Variants in PACRG observed in about 807,000 individuals in gnomAD.
The protein encoded by PACRG is parkin coregulated, also known as parkin coregulated gene protein.
In PACRG, 29 loss-of-function variants were observed where a neutral mutation model predicts 29.7. The ratio of observed to expected loss-of-function variants is 0.98; its 90% CI spans 0.73 to 1.33. PACRG has a LOEUF of 1.33. Ranked by LOEUF, PACRG falls within the 40% of genes most tolerant of loss-of-function variation. The pLI, the probability that PACRG is intolerant of heterozygous loss-of-function variation, is 0.00. For missense variants in PACRG, 279 were observed against 316.2 expected (o/e 0.88, Z 0.89); for synonymous variants, 116 against 118.7 (o/e 0.98, Z 0.15).
chr6:162,757,219 A>G (rs938083046), intron 1 of PACRG, among the ~76,000 whole-genome samples: 1 of 152,096 alleles, frequency 6.6e-6, no homozygotes, highest in African/African-American at 2.4e-5. Flanking sequence ...GTTTGCTAAT[A>G]TTTTGTTTGT....
Position 163,054,500 on chromosome 6 carries a change from C to T in PACRG, c.292-7650C>T, listed in dbSNP as rs184651622. Among the ~76,000 whole-genome samples, 11 of 152,298 alleles carry T rather than the reference C, an allele frequency of 7.2e-5. No homozygotes were observed. The East Asian group carries it at 1.4e-3, about 19-fold the overall frequency. ...TGGTATTTTGTTAAGGCAGCCTGGG[C>T]TAAGACAGTGCGTTCGAAGAGTCCC... On this transcript the variant is annotated intron_variant, in intron 2 of 4. Transcript: ENST00000366888.
chr6:162,970,431 TC>T (rs779263696), intron 2 of PACRG, among the ~76,000 whole-genome samples: 205 of 152,154 alleles, frequency 1.3e-3, no homozygotes, highest in Non-Finnish European at 2.4e-3. Context: ...GACCACCTGG[TC>T]CCCCTCTTCT....
chr6:163,040,908 G>A (rs770259896), intron 2 of PACRG, among the ~76,000 whole-genome samples: 1 of 152,168 alleles, frequency 6.6e-6, no homozygotes, highest in Non-Finnish European at 1.5e-5. Context: ...CTGGAATTTA[G>A]TTAAGACTTT....
intron 4 of PACRG, among the ~76,000 whole-genome samples, chr6:163,141,173 T>G (rs1039171224): frequency 1.3e-5 from 2 of 151,904 alleles, no homozygotes; most frequent in Non-Finnish European, 2.9e-5. Flanking sequence ...TCTCGAGTGC[T>G]GAGAAAAAAC....
At chr6:163,247,225 A>G (rs926421455) in intron 4 of PACRG, among the ~76,000 whole-genome samples, 1 of 152,220 alleles carries the variant, frequency 6.6e-6, no homozygotes, top group African/African-American at 2.4e-5. Context: ...CAATGAAAAT[A>G]AAGCATTAAA....
rs148308250 is a variant in PACRG, at chr6:162,933,007, T to C, written c.291+118726T>C. ...TTTAGGTGTTTATTGCTGTAAACTTTCCTCTGTGTACAGAGTTTCCTGTAT... is the reference window on the plus strand; with the variant it reads ...TTTAGGTGTTTATTGCTGTAAACTTCCCTCTGTGTACAGAGTTTCCTGTAT... On this transcript the variant is annotated intron_variant, in intron 2 of 4. Transcript: ENST00000366888. Among the ~76,000 whole-genome samples the C allele has an allele frequency of 9.9e-5, 15 of 152,200 alleles. No individual in the cohort carries two copies. The East Asian group carries it at 2.9e-3, about 29-fold the overall frequency.
At chr6:162,772,360 G>GT (rs1477973218) in intron 1 of PACRG, among the ~76,000 whole-genome samples, 2 of 152,164 alleles carry the variant, frequency 1.3e-5, no homozygotes, top group Non-Finnish European at 2.9e-5. Flanking sequence ...GAAAATCGAT[G>GT]TGCAATAAAG....
At chr6:162,942,650 T>G (rs939489650) in intron 2 of PACRG, among the ~76,000 whole-genome samples, 6 of 152,218 alleles carry the variant, frequency 3.9e-5, no homozygotes, top group Non-Finnish European at 8.8e-5. Flanking sequence ...TTTGTCATAA[T>G]TAAAGCCCAT....
chr6:163,184,894 G>A (rs1014892779), intron 4 of PACRG: 4 of 152,120 alleles, frequency 2.6e-5, no homozygotes, highest in African/African-American at 4.8e-5. Context: ...GATAAGAGGA[G>A]AACAATTTGG....
chr6:162,922,715 G>A (rs1427951671), intron 2 of PACRG, among the ~76,000 whole-genome samples: 1 of 152,028 alleles, frequency 6.6e-6, no homozygotes, highest in African/African-American at 2.4e-5. Context: ...ATGTCCTCCA[G>A]GCTCATCCAT....
At chr6:162,995,862 A>G (rs1803992084) in intron 2 of PACRG, among the ~76,000 whole-genome samples, 2 of 152,210 alleles carry the variant, frequency 1.3e-5, no homozygotes, top group Non-Finnish European at 2.9e-5. Context: ...AATTGTTTCC[A>G]TATCTTGGCT....
chr6:162,986,429 T>G (rs1802896309), intron 2 of PACRG, among the ~76,000 whole-genome samples: 1 of 152,162 alleles, frequency 6.6e-6, no homozygotes, highest in Non-Finnish European at 1.5e-5. Context: ...CTACTGATCT[T>G]AGACAAAGCA....
At chr6:162,930,840 G>GT (rs1291766056) in intron 2 of PACRG, among the ~76,000 whole-genome samples, 20 of 151,510 alleles carry the variant, frequency 1.3e-4, no homozygotes, top group African/African-American at 4.1e-4. Flanking sequence ...TATCTACATG[G>GT]TTTTTTTCTT....
chr6:163,230,363 T>A (rs1427990661), intron 4 of PACRG, among the ~76,000 whole-genome samples: 1 of 152,228 alleles, frequency 6.6e-6, no homozygotes, highest in Non-Finnish European at 1.5e-5. Flanking sequence ...TAAGTCTACA[T>A]GCATAGAATT....
chr6:162,941,894 C>T (rs1798656804), intron 2 of PACRG, among the ~76,000 whole-genome samples: 1 of 152,170 alleles, frequency 6.6e-6, no homozygotes, highest in Admixed American at 6.5e-5. Flanking sequence ...CAGTTGCTTT[C>T]ATTACTAGTT....
chr6:163,006,570 T>A (rs973157166), intron 2 of PACRG, among the ~76,000 whole-genome samples: 14 of 151,944 alleles, frequency 9.2e-5, no homozygotes, highest in African/African-American at 2.4e-4. Context: ...ATAGATTTTT[T>A]AATTCTTTTT....
At chr6:163,208,457 G>A (rs556637886) in intron 4 of PACRG, among the ~76,000 whole-genome samples, 1 of 151,882 alleles carries the variant, frequency 6.6e-6, no homozygotes, top group Non-Finnish European at 1.5e-5. Flanking sequence ...GTTAAAATTA[G>A]CATCTTCTCT....
chr6:162,747,349 T>C (rs1343988940), intron 1 of PACRG, among the ~76,000 whole-genome samples: 3 of 77,310 alleles, frequency 3.9e-5, no homozygotes, highest in African/African-American at 1.2e-4. Flanking sequence ...TATATATATA[T>C]ATATATATAT....
At chr6:162,845,989 G>A (rs542168772) in intron 2 of PACRG, among the ~76,000 whole-genome samples, 89 of 152,292 alleles carry the variant, frequency 5.8e-4, no homozygotes, top group African/African-American at 2.0e-3. Flanking sequence ...GGAAAAGTAG[G>A]AGGGTAAGGC....
Sources: gnomAD v4.1 joint callset for allele counts (sites outside exome capture counted in the v4.1 genomes callset) on GRCh38, gnomAD v4.1.1 for gene constraint, MANE v1.5 for transcripts, NCBI Gene and HGNC (gene_info 2026-07-23, HGNC 2026-07-21) for gene names.